CNTN4: variants seen among roughly 807,000 people sequenced by gnomAD.
CNTN4 encodes the protein contactin-4.
In CNTN4, 77 loss-of-function variants were observed where a neutral mutation model predicts 122.5. That is an observed-to-expected ratio of 0.63 (90% CI 0.52 to 0.76). CNTN4 has a LOEUF of 0.76. Ranked by LOEUF, CNTN4 falls within the 30% of genes least tolerant of loss-of-function variation. CNTN4 has a pLI of 0.00. For missense variants in CNTN4, 1,256 were observed against 1,259.1 expected, an observed-to-expected ratio of 1.00 and a Z score of 0.04; for synonymous variants, 512 against 447.0, an observed-to-expected ratio of 1.15 and a Z score of -1.83.
intron 12 of CNTN4, among the ~76,000 whole-genome samples, chr3:2,918,489 G>A (rs1423566762): frequency 2.6e-5 from 4 of 152,286 alleles, no homozygotes; most frequent in Non-Finnish European, 5.9e-5. Flanking sequence ...GGAAAAGTAG[G>A]GAAAGGCGGT....
chr3:2,295,517 A>G (rs908509225), intron 2 of CNTN4, among the ~76,000 whole-genome samples: 3 of 151,020 alleles, frequency 2.0e-5, no homozygotes, highest in African/African-American at 7.3e-5. Flanking sequence ...CCACTTTTTG[A>G]TGGGGTTGTT....
At chr3:2,776,410 C>T (rs913621521) in intron 6 of CNTN4, among the ~76,000 whole-genome samples, 10 of 151,624 alleles carry the variant, frequency 6.6e-5, no homozygotes, top group African/African-American at 2.2e-4. Flanking sequence ...TCAAGGGGTC[C>T]TCTATCTCAG....
intron 2 of CNTN4, among the ~76,000 whole-genome samples, chr3:2,130,795 T>A (rs4593009): frequency 0.12 from 18,786 of 152,166 alleles, 1,391 homozygotes; most frequent in South Asian, 0.24. Context: ...GCCCTTGGGG[T>A]CAAAAGTAGT....
chr3:2,240,605 A>G (rs2039892241), intron 2 of CNTN4, among the ~76,000 whole-genome samples: 1 of 152,152 alleles, frequency 6.6e-6, no homozygotes, highest in South Asian at 2.1e-4. Flanking sequence ...GGTGAACAAT[A>G]GTTAGACAGT....
intron 3 of CNTN4, among the ~76,000 whole-genome samples, chr3:2,513,642 A>G (rs928478785): frequency 7.2e-5 from 11 of 152,184 alleles, no homozygotes; most frequent in African/African-American, 2.7e-4. Flanking sequence ...ACCTTACAAT[A>G]TTAAACATTT....
chr3:2,452,456 C>T (rs1034637048), intron 3 of CNTN4, among the ~76,000 whole-genome samples: 1 of 152,094 alleles, frequency 6.6e-6, no homozygotes, highest in East Asian at 1.9e-4. Context: ...TGGGAAGGGA[C>T]TTAGTCTGGC....
At chr3:2,177,655 T>TG (rs2149268584) in intron 2 of CNTN4, among the ~76,000 whole-genome samples, 2 of 100,094 alleles carry the variant, frequency 2.0e-5, no homozygotes, top group African/African-American at 7.4e-5. Context: ...TGTGTGTGTG[T>TG]TTGTGTGTGT....
intron 3 of CNTN4, among the ~76,000 whole-genome samples, chr3:2,401,981 C>A (rs2046875177): frequency 6.6e-6 from 1 of 152,102 alleles, no homozygotes; most frequent in South Asian, 2.1e-4. Context: ...GCCCTTGGGG[C>A]TAAGAACATC....
chr3:2,669,081 G>A (rs958292143), intron 4 of CNTN4, among the ~76,000 whole-genome samples: 7 of 152,114 alleles, frequency 4.6e-5, no homozygotes, highest in African/African-American at 1.7e-4. Context: ...GCCAGGCTTT[G>A]GTATCAGGAT....
At chr3:2,218,435 C>T (rs2038933762) in intron 2 of CNTN4, among the ~76,000 whole-genome samples, 2 of 152,060 alleles carry the variant, frequency 1.3e-5, no homozygotes, top group Admixed American at 1.3e-4. Flanking sequence ...GAAGAGGATC[C>T]CTCGAGCCTG....
intron 2 of CNTN4, among the ~76,000 whole-genome samples, chr3:2,126,178 G>A (rs2034149755): frequency 6.6e-6 from 1 of 152,040 alleles, no homozygotes; most frequent in Admixed American, 6.6e-5. Context: ...GGACCCTTGG[G>A]ATCTCTAACC....
rs373280735 is a variant in CNTN4, at chr3:2,444,980, C to T, written c.-89+105747C>T. 1.5e-4 allele frequency among the ~76,000 whole-genome samples: 23 copies of T among 151,708 alleles called. No individual in the cohort carries two copies. In the East Asian group the frequency reaches 4.3e-3, roughly 28 times the overall value. ...ACATGCCTGAAATGCCGCATCCCCCCACCCCACTTCTTACTATGTAAAAAA... is the reference window on the plus strand; with the variant it reads ...ACATGCCTGAAATGCCGCATCCCCCTACCCCACTTCTTACTATGTAAAAAA... On this transcript the variant is annotated intron_variant, in intron 3 of 24. Transcript: ENST00000418658.
At chr3:3,012,678 C>T (rs1697353122) in intron 14 of CNTN4, among the ~76,000 whole-genome samples, 1 of 151,962 alleles carries the variant, frequency 6.6e-6, no homozygotes, top group Non-Finnish European at 1.5e-5. Context: ...ATTCTCAAAA[C>T]TTTGCATTGG....
At chr3:2,867,498 G>C (rs1286443893) in intron 8 of CNTN4, among the ~76,000 whole-genome samples, 1 of 152,106 alleles carries the variant, frequency 6.6e-6, no homozygotes, top group Non-Finnish European at 1.5e-5. Flanking sequence ...ACTTAACAAT[G>C]TGTAGTAAAA....
At chr3:2,710,745 G>C (rs574677642) in intron 4 of CNTN4, among the ~76,000 whole-genome samples, 23 of 152,112 alleles carry the variant, frequency 1.5e-4, no homozygotes, top group Non-Finnish European at 3.4e-4. Context: ...ATTTCATAAA[G>C]TTTGTTACAA....
intron 4 of CNTN4, among the ~76,000 whole-genome samples, chr3:2,647,620 G>C (rs978354493): frequency 6.6e-6 from 1 of 152,042 alleles, no homozygotes; most frequent in Admixed American, 6.5e-5. Flanking sequence ...GTTGTTTGTT[G>C]TATAAATATA....
chr3:2,254,206 A>G (rs1168162048), intron 2 of CNTN4, among the ~76,000 whole-genome samples: 1 of 152,152 alleles, frequency 6.6e-6, no homozygotes, highest in African/African-American at 2.4e-5. Flanking sequence ...ATGTCCCTGC[A>G]AAGGACATGA....
intron 4 of CNTN4, among the ~76,000 whole-genome samples, chr3:2,640,559 A>T (rs936747371): frequency 2.6e-5 from 4 of 152,190 alleles, no homozygotes; most frequent in Non-Finnish European, 4.4e-5. Context: ...GGGTAGTGGG[A>T]ACACTTACAA....
In CNTN4 at chr3:2,590,546, G is replaced by A. The variant is rs192089887; in HGVS notation, c.55+18988G>A. ...TTGGGTGGCTTACTGTTACACATAG[G>A]ATAAAATTTAGAGATCTTTTCAAGG... On this transcript the variant is annotated intron_variant, in intron 4 of 24. Coordinates refer to ENST00000418658, the MANE Select transcript of CNTN4 (RefSeq NM_175607.3). Among the ~76,000 whole-genome samples the A allele has an allele frequency of 7.9e-4, 120 of 151,882 alleles. 1 individual carries two copies. Among genetic ancestry groups the A allele is most frequent in the African/African-American group, 2.8e-3 (117 of 41,442 alleles).
Sources: gnomAD v4.1 joint callset for allele counts (sites outside exome capture counted in the v4.1 genomes callset) on GRCh38, gnomAD v4.1.1 for gene constraint, MANE v1.5 for transcripts, NCBI Gene and HGNC (gene_info 2026-07-23, HGNC 2026-07-21) for gene names.